FNDC3B: variants seen among roughly 807,000 people sequenced by gnomAD.
FNDC3B encodes the protein fibronectin type III domain-containing protein 3B.
In FNDC3B, 12 loss-of-function variants were observed where a neutral mutation model predicts 151.5. The ratio of observed to expected loss-of-function variants is 0.08; its 90% CI spans 0.05 to 0.13. FNDC3B has a LOEUF of 0.13. Among genes scored for constraint, FNDC3B ranks in the 10% least tolerant of loss-of-function variants. FNDC3B has a pLI of 1.00. For missense variants in FNDC3B, 1,214 were observed against 1,505.3 expected (o/e 0.81, Z 3.20); for synonymous variants, 528 against 549.0 (o/e 0.96, Z 0.54).
At chr3:172,163,739 TG>T (rs1474228109) in intron 3 of FNDC3B, among the ~76,000 whole-genome samples, 2 of 152,340 alleles carry the variant, frequency 1.3e-5, no homozygotes, top group African/African-American at 4.8e-5. Context: ...TTCTGATATT[TG>T]GGTATTATGA....
chr3:172,353,586 G>T (rs1265389710), intron 22 of FNDC3B, among the ~76,000 whole-genome samples: 1 of 152,190 alleles, frequency 6.6e-6, no homozygotes. Context: ...AACACATGTT[G>T]AGAATCATTG....
intron 3 of FNDC3B, among the ~76,000 whole-genome samples, chr3:172,144,244 C>T (rs886526611): frequency 3.9e-5 from 6 of 152,162 alleles, no homozygotes; most frequent in Non-Finnish European, 8.8e-5. Flanking sequence ...AGAACTCACT[C>T]ATCACCATGG....
At chr3:172,136,672 C>T (rs1721380999) in intron 3 of FNDC3B, among the ~76,000 whole-genome samples, 2 of 152,214 alleles carry the variant, frequency 1.3e-5, no homozygotes, top group African/African-American at 4.8e-5. Context: ...GATCAAAACT[C>T]TACTTATGTT....
rs772468533 is a variant in FNDC3B, at chr3:172,330,622, C to T, written c.1461C>T (p.Gly487=). Residue 487 remains glycine (G), a synonymous_variant, in exon 13 of 26, where the codon GGC becomes GGT. Transcript: ENST00000415807. The part of the protein sequence containing the change: ...MPSAPRLVRA[G]ITWVTLQWSK... ...CTGCACCAAGGCTGGTTCGAGCTGG[C>T]ATCACATGGGTCACGTTGCAGTGGA... The T allele has an allele frequency of 6.2e-6, 10 of 1,614,128 alleles. No homozygotes were observed. In the South Asian group the frequency reaches 1.1e-4, roughly 18 times the overall value.
chr3:172,112,513 C>T lies in FNDC3B; in HGVS notation c.34C>T (p.Pro12Ser). 1 of 1,614,096 alleles carries T rather than the reference C, an allele frequency of 6.2e-7. No homozygotes were observed. The change falls in exon 2 of 26, where the codon CCT (proline) becomes TCT (serine). Residue 12 changes from proline to serine, a missense_variant. By Grantham distance (74) the Pro-to-Ser change is moderately conservative. This residue lies in a region of FNDC3B where 113 missense variants were observed against 177.8 expected (regional missense o/e 0.64). Transcript: ENST00000415807. ...YVTMMMTDQIPLELPPLLNGE... is the reference protein window; with the variant it reads ...YVTMMMTDQISLELPPLLNGE... The stretch of plus-strand genomic sequence containing the variant: ...CACAATGATGATGACCGACCAAATC[C>T]CTCTGGAACTGCCACCATTGCTGAA...
At chr3:172,050,418 C>CT (rs1352108299) in intron 1 of FNDC3B, among the ~76,000 whole-genome samples, 1 of 151,126 alleles carries the variant, frequency 6.6e-6, no homozygotes, top group Non-Finnish European at 1.5e-5. Context: ...GTGTCTCACT[C>CT]TGTCACCCAG....
At chr3:172,256,075 C>T (rs536932586) in intron 6 of FNDC3B, among the ~76,000 whole-genome samples, 81 of 152,366 alleles carry the variant, frequency 5.3e-4, no homozygotes, top group African/African-American at 1.9e-3. Flanking sequence ...CTTTGTGGTG[C>T]TCCCCACTGT....
intron 8 of FNDC3B, among the ~76,000 whole-genome samples, chr3:172,296,474 C>G (rs1730609909): frequency 6.6e-6 from 1 of 152,202 alleles, no homozygotes; most frequent in South Asian, 2.1e-4. Context: ...TCCACTGTCT[C>G]TTCCCTGGAC....
At chr3:172,062,278 C>T (rs1717241352) in intron 1 of FNDC3B, among the ~76,000 whole-genome samples, 1 of 151,766 alleles carries the variant, frequency 6.6e-6, no homozygotes, top group South Asian at 2.1e-4. Context: ...TGTTATTGGT[C>T]CCTAGTACCC....
intron 3 of FNDC3B, among the ~76,000 whole-genome samples, chr3:172,220,696 G>GA (rs764655989): frequency 7.4e-4 from 112 of 152,126 alleles, no homozygotes; most frequent in Non-Finnish European, 1.3e-3. Context: ...TATGATATGA[G>GA]ATAGGGGTCC....
intron 20 of FNDC3B, 49 bp from the exon 21 acceptor site, chr3:172,347,163 A>AT (rs1405863065): frequency 6.5e-7 from 1 of 1,545,330 alleles, no homozygotes. Flanking sequence ...GCACAGTAGG[A>AT]TTCTCTTCTC....
intron 1 of FNDC3B, among the ~76,000 whole-genome samples, chr3:172,099,162 A>G (rs963098256): frequency 3.9e-5 from 6 of 152,322 alleles, no homozygotes; most frequent in African/African-American, 1.2e-4. Flanking sequence ...TTGAATGCAA[A>G]TCAATTAGCT....
intron 2 of FNDC3B, among the ~76,000 whole-genome samples, chr3:172,117,592 G>A (rs1407920004): frequency 1.3e-5 from 2 of 152,174 alleles, no homozygotes; most frequent in African/African-American, 2.4e-5. Flanking sequence ...AGAGTTTACT[G>A]ATTTGTTAAT....
At chr3:172,181,382 G>A (rs1163897317) in intron 3 of FNDC3B, among the ~76,000 whole-genome samples, 2 of 107,028 alleles carry the variant, frequency 1.9e-5, no homozygotes, top group Admixed American at 1.3e-4. Flanking sequence ...GTGCCAGAGT[G>A]AGACTCTGTC....
intron 7 of FNDC3B, among the ~76,000 whole-genome samples, chr3:172,286,300 T>C (rs1039698781): frequency 1.3e-5 from 2 of 152,064 alleles, no homozygotes; most frequent in Non-Finnish European, 2.9e-5. Context: ...GTAGTTTTTT[T>C]TTAACCATAT....
chr3:172,132,457 G>GT (rs1721153303), intron 2 of FNDC3B, among the ~76,000 whole-genome samples: 1 of 152,190 alleles, frequency 6.6e-6, no homozygotes, highest in Admixed American at 6.5e-5. Context: ...CTAGGCTGGA[G>GT]TGCAGTGGTG....
At chr3:172,140,308 C>T (rs895660499) in intron 3 of FNDC3B, among the ~76,000 whole-genome samples, 2 of 152,102 alleles carry the variant, frequency 1.3e-5, no homozygotes, top group African/African-American at 2.4e-5. Flanking sequence ...TATATATTTA[C>T]GTGTGTGTAT....
At chr3:172,368,811 G>T (rs1734752837) in intron 23 of FNDC3B, among the ~76,000 whole-genome samples, 1 of 152,294 alleles carries the variant, frequency 6.6e-6, no homozygotes, top group African/African-American at 2.4e-5. Flanking sequence ...AGGAGTTCAA[G>T]ACCAGCCTGG....
chr3:172,208,165 T>TATA (rs1725527861), intron 3 of FNDC3B, among the ~76,000 whole-genome samples: 1 of 152,182 alleles, frequency 6.6e-6, no homozygotes, highest in African/African-American at 2.4e-5. Flanking sequence ...TTAGTAAGAA[T>TATA]ATAATATATT....
Sources: allele counts gnomAD v4.1 joint callset (sites outside exome capture counted in the v4.1 genomes callset), GRCh38; gene constraint gnomAD v4.1.1; regional missense constraint gnomAD v4.1.1; transcripts MANE v1.5; gene names NCBI Gene and HGNC (gene_info 2026-07-23, HGNC 2026-07-21).